The following GALNT17 variants were observed in gnomAD, a reference collection of about 807,000 sequenced individuals.
GALNT17 encodes polypeptide N-acetylgalactosaminyltransferase 17, also known as UDP-GalNAc:polypeptide N-acetylgalactosaminyltransferase-like 3.
In GALNT17, 29 loss-of-function variants were observed where a neutral mutation model predicts 63.7. The observed-to-expected ratio is 0.46, with a 90% confidence interval of 0.34 to 0.62. The LOEUF (loss-of-function observed/expected upper bound fraction) is 0.62. Among genes scored for constraint, GALNT17 ranks in the 20% least tolerant of loss-of-function variants. The pLI is 0.01. For missense variants in GALNT17, 603 were observed against 799.6 expected (o/e 0.75, Z 2.97); for synonymous variants, 305 against 318.3 (o/e 0.96, Z 0.45).
At chr7:71,499,942 C>CT (rs1338611749) in intron 5 of GALNT17, among the ~76,000 whole-genome samples, 1 of 152,158 alleles carries the variant, frequency 6.6e-6, no homozygotes, top group East Asian at 1.9e-4. Context: ...TTATAAGGAG[C>CT]TTTTCCTCCT....
intron 1 of GALNT17, among the ~76,000 whole-genome samples, chr7:71,230,836 T>C (rs1395825699): frequency 6.6e-6 from 1 of 152,090 alleles, no homozygotes; most frequent in Non-Finnish European, 1.5e-5. Context: ...CATGAGACAG[T>C]GGTTTTCAAA....
intron 1 of GALNT17, among the ~76,000 whole-genome samples, chr7:71,211,378 C>T (rs538034848): frequency 6.6e-6 from 1 of 152,190 alleles, no homozygotes; most frequent in African/African-American, 2.4e-5. Context: ...TTTACCTCCC[C>T]ACATGATTCT....
intron 1 of GALNT17, among the ~76,000 whole-genome samples, chr7:71,208,802 A>G (rs1789321552): frequency 6.6e-6 from 1 of 152,058 alleles, no homozygotes; most frequent in Admixed American, 6.6e-5. Flanking sequence ...TTTTTTTCTT[A>G]TAAGATGTTT....
At chr7:71,144,889 A>C (rs770348902) in intron 1 of GALNT17, among the ~76,000 whole-genome samples, 8 of 152,018 alleles carry the variant, frequency 5.3e-5, no homozygotes, top group Non-Finnish European at 1.0e-4. Context: ...CCACCATGCC[A>C]GGCTAATTTT....
intron 5 of GALNT17, among the ~76,000 whole-genome samples, chr7:71,422,758 C>T (rs1255133926): frequency 6.6e-6 from 1 of 152,230 alleles, no homozygotes; most frequent in Admixed American, 6.5e-5. Context: ...GACCCTCTGC[C>T]TTATCACAAG....
chr7:71,324,797 A>G (rs1791676939), intron 1 of GALNT17, among the ~76,000 whole-genome samples: 2 of 152,222 alleles, frequency 1.3e-5, no homozygotes, highest in South Asian at 4.1e-4. Flanking sequence ...ATTTAAAAAT[A>G]TACATATAGC....
intron 6 of GALNT17, among the ~76,000 whole-genome samples, chr7:71,606,416 T>G (rs1363135651): frequency 6.6e-6 from 1 of 152,176 alleles, no homozygotes; most frequent in Non-Finnish European, 1.5e-5. Flanking sequence ...CTATAACTCT[T>G]GGAGTGACAC....
chr7:71,426,797 G>A (rs576698214), intron 5 of GALNT17, among the ~76,000 whole-genome samples: 1 of 152,000 alleles, frequency 6.6e-6, no homozygotes, highest in Non-Finnish European at 1.5e-5. Flanking sequence ...ATGCACACCT[G>A]TAATCCCAGC....
At chr7:71,337,476 T>G (rs1254350389) in intron 2 of GALNT17, among the ~76,000 whole-genome samples, 3 of 152,226 alleles carry the variant, frequency 2.0e-5, no homozygotes, top group African/African-American at 7.2e-5. Flanking sequence ...AGAATTTTAC[T>G]AGACCCTTCC....
chr7:71,168,416 A>G (rs1788484669), intron 1 of GALNT17, among the ~76,000 whole-genome samples: 1 of 152,150 alleles, frequency 6.6e-6, no homozygotes, highest in African/African-American at 2.4e-5. Flanking sequence ...TACTAAAAAT[A>G]CAAAAATTAG....
chr7:71,420,985 A>G lies in GALNT17; in HGVS notation c.842A>G (p.Asp281Gly). The change falls in exon 5 of 11, where the codon GAC becomes GGC. Residue 281 changes from aspartate to glycine, a missense_variant. Around this residue, in one of 3 missense-constraint regions of GALNT17, gnomAD observed 336 missense variants for 507.8 expected, o/e 0.66. Coordinates refer to ENST00000333538, the MANE Select transcript of GALNT17 (RefSeq NM_022479.3). ...CCCTCCATTGACAACATCAAACAGG[A>G]CAACTTTGAGGTGCAGCGGTACGAG... ...ILPSIDNIKQ[D>G]NFEVQRYENS... 6.2e-7 allele frequency: 1 copy of G among 1,614,138 alleles called. No homozygotes were observed. Among genetic ancestry groups the G allele is most frequent in the Non-Finnish European group, 8.5e-7 (1 of 1,180,018 alleles).
At chr7:71,384,746 A>G (rs1195824518) in intron 2 of GALNT17, among the ~76,000 whole-genome samples, 1 of 152,160 alleles carries the variant, frequency 6.6e-6, no homozygotes, top group African/African-American at 2.4e-5. Context: ...TCTAAAGCTT[A>G]CAAGATTTCT....
chr7:71,623,984 T>C (rs1790334348), intron 6 of GALNT17, among the ~76,000 whole-genome samples: 1 of 152,094 alleles, frequency 6.6e-6, no homozygotes, highest in African/African-American at 2.4e-5. Flanking sequence ...CAACTCAGAA[T>C]ATCCCCCAGG....
chr7:71,163,728 A>G (rs548294225), intron 1 of GALNT17, among the ~76,000 whole-genome samples: 3 of 152,328 alleles, frequency 2.0e-5, no homozygotes, highest in Non-Finnish European at 2.9e-5. Context: ...AGAAACACCA[A>G]TTCTGAAGGC....
chr7:71,620,326 T>C (rs1243035172), intron 6 of GALNT17, among the ~76,000 whole-genome samples: 1 of 152,170 alleles, frequency 6.6e-6, no homozygotes, highest in African/African-American at 2.4e-5. Flanking sequence ...GAGGAGCCCC[T>C]CTTCCTTGAT....
intron 9 of GALNT17, among the ~76,000 whole-genome samples, chr7:71,705,777 A>T (rs1249355547): frequency 1.3e-5 from 2 of 152,194 alleles, no homozygotes; most frequent in Non-Finnish European, 2.9e-5. Flanking sequence ...AGAGAATCAC[A>T]CTGAAGCCTA....
rs529253726 is a variant in GALNT17, at chr7:71,525,034, G to A, written c.963-46251G>A. 1.1e-4 allele frequency among the ~76,000 whole-genome samples: 16 copies of A among 152,200 alleles called. No homozygotes were observed. In the East Asian group the frequency reaches 2.9e-3, roughly 27 times the overall value. ...CTTTTATTGGTTTTTATCTTCTCTG[G>A]TGATTTGGAAAAGATACATTTTATT... On this transcript the variant is annotated intron_variant, in intron 5 of 10. Coordinates refer to ENST00000333538, the MANE Select transcript of GALNT17 (RefSeq NM_022479.3).
At chr7:71,388,594 T>C (rs1299997952) in intron 3 of GALNT17, among the ~76,000 whole-genome samples, 193 bp downstream of exon 3, 2 of 152,030 alleles carry the variant, frequency 1.3e-5, no homozygotes, top group African/African-American at 4.8e-5. Flanking sequence ...TGGCATGATC[T>C]CAGCTCACTG....
Position 71,133,034 on chromosome 7 carries a change from C to G in GALNT17, c.232C>G (p.Leu78Val). The G allele has an allele frequency of 6.3e-7, 1 of 1,578,134 alleles. No homozygotes were observed. Among genetic ancestry groups the G allele is most frequent in the Non-Finnish European group, 8.6e-7 (1 of 1,163,214 alleles). Residue 78 changes from leucine (L) to valine (V), a missense_variant, in exon 1 of 11, where the codon CTG (leucine) becomes GTG (valine). This residue lies in a region of GALNT17 where 195 missense variants were observed against 215.0 expected (regional missense o/e 0.91). Transcript: ENST00000333538. The part of the protein sequence containing the change: ...SLLEDIVYRQ[L>V]NGLSKSLGLI... The stretch of plus-strand genomic sequence containing the variant: ...GCTGGAGGACATCGTGTACCGGCAG[C>G]TGAATGGTAAGGACGCACGCCGGCG...
Sources: gnomAD v4.1 joint callset for allele counts (sites outside exome capture counted in the v4.1 genomes callset) on GRCh38, gnomAD v4.1.1 for gene constraint, gnomAD v4.1.1 regional missense constraint, MANE v1.5 for transcripts, NCBI Gene and HGNC (gene_info 2026-07-23, HGNC 2026-07-21) for gene names.